ANKFN1: variants seen among roughly 807,000 people sequenced by gnomAD.
The protein encoded by ANKFN1 is ankyrin repeat and fibronectin type-III domain-containing protein 1.
ANKFN1 carries 74 observed loss-of-function variants against 108.7 expected under a neutral mutation model. The ratio of observed to expected loss-of-function variants is 0.68; its 90% CI spans 0.56 to 0.83. ANKFN1 has a LOEUF of 0.83. Ranked by LOEUF, ANKFN1 falls within the 40% of genes least tolerant of loss-of-function variation. ANKFN1 has a pLI of 0.00. For synonymous variants in ANKFN1, 547 were observed against 516.2 expected (o/e 1.06, Z -0.81); for missense variants, 1,505 against 1,382.3 (o/e 1.09, Z -1.41).
At chr17:56,251,536 G>A (rs770090296) in intron 3 of ANKFN1, among the ~76,000 whole-genome samples, 4 of 152,182 alleles carry the variant, frequency 2.6e-5, no homozygotes, top group Non-Finnish European at 5.9e-5. Context: ...CATAGATCAG[G>A]AGAGACTTTT....
chr17:56,128,597 T>C (rs1172311441), intron 4 of ANKFN1, among the ~76,000 whole-genome samples: 1 of 152,206 alleles, frequency 6.6e-6, no homozygotes, highest in Non-Finnish European at 1.5e-5. Flanking sequence ...TGAGACTTTT[T>C]ATAAAACTAG....
At position 56,363,890 on chromosome 17, in the gene ANKFN1, T is replaced by C. The variant is rs1277960910; in HGVS notation, c.602-8756T>C. On this transcript the variant is annotated intron_variant, in intron 6 of 20. Transcript: ENST00000682825. ...CTTGTGGACTCTAAAACGATTGAACTCATAGAAGCAGAAAGTGGAATGGTG... is the reference window on the plus strand; with the variant it reads ...CTTGTGGACTCTAAAACGATTGAACCCATAGAAGCAGAAAGTGGAATGGTG... 2.0e-5 allele frequency among the ~76,000 whole-genome samples: 3 copies of C among 152,072 alleles called. No homozygotes were observed. The East Asian group carries it at 5.8e-4, about 29-fold the overall frequency.
intron 4 of ANKFN1, among the ~76,000 whole-genome samples, chr17:56,138,317 G>GTATTAGTGC (rs1907709803): frequency 6.6e-6 from 1 of 152,162 alleles, no homozygotes; most frequent in Admixed American, 6.5e-5. Context: ...TGAAGGTGCA[G>GTATTAGTGC]TATTAGTGCC....
intron 4 of ANKFN1, among the ~76,000 whole-genome samples, chr17:56,110,540 AG>A (rs531380055): frequency 1.0e-3 from 152 of 152,292 alleles, no homozygotes; most frequent in African/African-American, 3.5e-3. Flanking sequence ...TTATAACCCC[AG>A]GGCCTTTCAC....
chr17:56,182,740 A>G (rs1334145125), intron 1 of ANKFN1, among the ~76,000 whole-genome samples: 1 of 152,232 alleles, frequency 6.6e-6, no homozygotes, highest in Admixed American at 6.5e-5. Context: ...CTAGCCTTCT[A>G]TTGAAAGAAG....
intron 6 of ANKFN1, among the ~76,000 whole-genome samples, chr17:56,366,986 G>A (rs574716451): frequency 6.6e-6 from 1 of 152,320 alleles, no homozygotes; most frequent in South Asian, 2.1e-4. Flanking sequence ...ACAGGACCAA[G>A]GGTACTAAAG....
chr17:56,216,902 G>C (rs1328623161), intron 2 of ANKFN1, among the ~76,000 whole-genome samples: 1 of 152,060 alleles, frequency 6.6e-6, no homozygotes, highest in East Asian at 1.9e-4. Flanking sequence ...GAGAAATAAT[G>C]CTCAAACAAG....
At chr17:56,133,051 G>A (rs188684476) in intron 4 of ANKFN1, among the ~76,000 whole-genome samples, 15 of 152,244 alleles carry the variant, frequency 9.9e-5, no homozygotes, top group East Asian at 3.9e-4. Context: ...CTGTTTACAC[G>A]TGAGAGATTA....
At chr17:56,094,462 CAGTT>C (rs1391914763) in intron 4 of ANKFN1, among the ~76,000 whole-genome samples, 1 of 78,386 alleles carries the variant, frequency 1.3e-5, no homozygotes, top group Non-Finnish European at 2.6e-5. Flanking sequence ...TCTCAGTTCT[CAGTT>C]GTTTCTTCTT....
chr17:56,102,265 A>C (rs1905662314), intron 4 of ANKFN1, among the ~76,000 whole-genome samples: 1 of 152,194 alleles, frequency 6.6e-6, no homozygotes, highest in Non-Finnish European at 1.5e-5. Context: ...CATTCAGTGA[A>C]GGGGCAAACA....
At chr17:56,213,767 C>A (rs1285463404) in intron 2 of ANKFN1, among the ~76,000 whole-genome samples, 2 of 152,180 alleles carry the variant, frequency 1.3e-5, no homozygotes, top group African/African-American at 4.8e-5. Flanking sequence ...ACTCTTACCC[C>A]AAAAGCTGTT....
chr17:56,503,569 C>A (rs1415108137), intron 20 of ANKFN1, among the ~76,000 whole-genome samples: 1 of 136,958 alleles, frequency 7.3e-6, no homozygotes, highest in Admixed American at 7.3e-5. Context: ...GATTTTTGGG[C>A]AAATATGGAT....
chr17:56,456,831 T>G, intron 11 of ANKFN1, 30 bp from the exon 12 acceptor site: 1 of 1,586,914 alleles, frequency 6.3e-7, no homozygotes, highest in East Asian at 2.2e-5. Context: ...CCAGTGGAAT[T>G]TATACTGTAT....
chr17:56,439,315 C>G (rs1266013643), intron 8 of ANKFN1, among the ~76,000 whole-genome samples: 1 of 152,120 alleles, frequency 6.6e-6, no homozygotes, highest in East Asian at 1.9e-4. Context: ...AGAGGCCTTG[C>G]TTCCCATGGG....
intron 8 of ANKFN1, among the ~76,000 whole-genome samples, chr17:56,421,127 TA>T (rs2048394025): frequency 6.6e-6 from 1 of 152,248 alleles, no homozygotes; most frequent in South Asian, 2.1e-4. Context: ...CACACTTTGA[TA>T]AAAAGTAGTT....
At position 56,212,584 on chromosome 17, in the gene ANKFN1, C is replaced by T. The variant is rs919846019; in HGVS notation, c.-70-14C>T. The stretch of plus-strand genomic sequence containing the variant: ...AATTTAGGGAGGATTATCTCTTTCT[C>T]TCTTTTGGAATAGTGCCAATAGGAT... On this transcript the variant is annotated splice_polypyrimidine_tract_variant and intron_variant, in intron 1 of 20. Transcript: ENST00000682825. Among the ~76,000 whole-genome samples, 2 of 152,146 alleles carry T rather than the reference C, an allele frequency of 1.3e-5. No individual in the cohort carries two copies. The highest frequency in any genetic ancestry group is 2.4e-5 in the African/African-American group (1 of 41,424).
At chr17:56,426,024 C>T (rs763405940) in intron 8 of ANKFN1, among the ~76,000 whole-genome samples, 1 of 152,138 alleles carries the variant, frequency 6.6e-6, no homozygotes, top group South Asian at 2.1e-4. Flanking sequence ...CTGAATGTAC[C>T]AGCAATTAGC....
chr17:56,457,022 C>T, intron 12 of ANKFN1, 62 bp downstream of exon 12: 2 of 1,474,050 alleles, frequency 1.4e-6, no homozygotes, highest in Non-Finnish European at 1.9e-6. Context: ...GGTTTTGGTT[C>T]TGAGTAGAAA....
chr17:56,485,207 TAAC>T (rs985851731), intron 18 of ANKFN1, among the ~76,000 whole-genome samples: 49 of 152,132 alleles, frequency 3.2e-4, no homozygotes, highest in African/African-American at 1.1e-3. Context: ...AAGGGACAAA[TAAC>T]AAACCAATCA....
Sources: gnomAD v4.1 joint callset for allele counts (sites outside exome capture counted in the v4.1 genomes callset) on GRCh38, gnomAD v4.1.1 for gene constraint, MANE v1.5 for transcripts, NCBI Gene and HGNC (gene_info 2026-07-23, HGNC 2026-07-21) for gene names.